COG2: variants seen among roughly 807,000 people sequenced by gnomAD.
COG2 encodes component of oligomeric golgi complex 2, also known as conserved oligomeric Golgi complex subunit 2.
A neutral mutation model predicts 90.6 loss-of-function variants in COG2; 52 were observed. The observed-to-expected ratio is 0.57, with a 90% CI of 0.46 to 0.72. The LOEUF (loss-of-function observed/expected upper bound fraction) is 0.72, where lower values mean the gene tolerates loss of function less well. Among genes scored for constraint, COG2 ranks in the 30% least tolerant of loss-of-function variants. COG2 has a pLI of 0.00. For synonymous variants in COG2, 337 were observed against 320.4 expected, an observed-to-expected ratio of 1.05 and a Z score of -0.55; for missense variants, 829 against 891.2, an observed-to-expected ratio of 0.93 and a Z score of 0.89.
At chr1:230,655,105 T>G (rs1662018155) in intron 1 of COG2, among the ~76,000 whole-genome samples, 2 of 152,208 alleles carry the variant, frequency 1.3e-5, no homozygotes, top group Non-Finnish European at 2.9e-5. Context: ...TCTTGCCTGA[T>G]TGCCTTGGCC....
At chr1:230,687,252 A>T (rs1203681345) in intron 13 of COG2, 120 bp downstream of exon 13, 2 of 712,346 alleles carry the variant, frequency 2.8e-6, no homozygotes, top group Non-Finnish European at 4.4e-6. Flanking sequence ...ACCCGTGGGT[A>T]CCCCAAGAGA....
chr1:230,658,792 C>T (rs546380591), intron 1 of COG2, among the ~76,000 whole-genome samples: 21 of 152,292 alleles, frequency 1.4e-4, no homozygotes, highest in Middle Eastern at 6.8e-3. Flanking sequence ...AGCGGCCTTG[C>T]TGAGCTGCAG....
chr1:230,661,465 A>G (rs958507372), intron 3 of COG2: 3 of 152,174 alleles, frequency 2.0e-5, no homozygotes, highest in Non-Finnish European at 4.4e-5. Flanking sequence ...CTGCTGGTCC[A>G]CCCCACAGTC....
At chr1:230,677,281 G>A (rs1341588554) in intron 9 of COG2, among the ~76,000 whole-genome samples, 2 of 151,944 alleles carry the variant, frequency 1.3e-5, no homozygotes, top group Admixed American at 1.3e-4. Flanking sequence ...TTTATTTCTA[G>A]AAGTCATATT....
chr1:230,692,679 C>T (rs936873648), intron 17 of COG2, among the ~76,000 whole-genome samples: 2 of 152,192 alleles, frequency 1.3e-5, no homozygotes, highest in Non-Finnish European at 2.9e-5. Context: ...CCAGAACAAA[C>T]CACAAAATGC....
intron 9 of COG2, chr1:230,677,976 C>T (rs1662640755): frequency 1.0e-6 from 1 of 980,754 alleles, no homozygotes; most frequent in Non-Finnish European, 1.2e-6. Flanking sequence ...TCTGGGATAA[C>T]ATAAGTTTGC....
At chr1:230,671,667 C>G (rs567658861) in intron 8 of COG2, 27 bp downstream of exon 8, 3 of 1,608,134 alleles carry the variant, frequency 1.9e-6, no homozygotes, top group Non-Finnish European at 2.5e-6. Context: ...TGTGTGGACC[C>G]CCACCTCCCT....
intron 6 of COG2, 108 bp from the exon 7 acceptor site, chr1:230,669,246 TTA>T (rs1662389851): frequency 2.1e-6 from 2 of 952,346 alleles, no homozygotes; most frequent in Non-Finnish European, 3.1e-6. Flanking sequence ...TATTTTGATT[TTA>T]TATATGTCAT....
chr1:230,658,355 T>C lies in COG2; in HGVS notation c.73-1109T>C, dbSNP rs559875042. 2.6e-5 allele frequency among the ~76,000 whole-genome samples: 4 copies of C among 152,328 alleles called. No homozygotes were observed. The South Asian group carries it at 8.3e-4, about 32-fold the overall frequency. On this transcript the variant is annotated intron_variant, in intron 1 of 17. Coordinates refer to ENST00000366669, the MANE Select transcript of COG2 (RefSeq NM_007357.3). ...TTTGTTGGAGGTCCACTCCAGACCC[T>C]GTTTGCCTGGATTTCATCAGTGGAG...
At chr1:230,662,524 C>T (rs1487274710) in intron 3 of COG2, among the ~76,000 whole-genome samples, 1 of 152,144 alleles carries the variant, frequency 6.6e-6, no homozygotes, top group Non-Finnish European at 1.5e-5. Flanking sequence ...TATGACCTCT[C>T]CTTTTCCTTG....
In COG2 at chr1:230,675,060, T is replaced by C; in HGVS notation, c.962T>C (p.Val321Ala). Reference sequence around the variant, plus strand: ...GTGAATTCTGTTTGGCCACAAATAGTACAAGGATTAGAAGAAAAGTTACCC... The same window carrying C: ...GTGAATTCTGTTTGGCCACAAATAGCACAAGGATTAGAAGAAAAGTTACCC... ...FLVNSVWPQI[V>A]QGLEEKLPSL... The change falls in exon 9 of 18, where the codon GTA becomes GCA. Residue 321 changes from valine to alanine, a missense_variant. Coordinates refer to ENST00000366669, the MANE Select transcript of COG2 (RefSeq NM_007357.3). 1 of 1,613,104 alleles carries C rather than the reference T, an allele frequency of 6.2e-7. No individual in the cohort carries two copies. Among genetic ancestry groups the C allele is most frequent in the African/African-American group, 1.3e-5 (1 of 75,010 alleles).
intron 5 of COG2, among the ~76,000 whole-genome samples, chr1:230,665,274 G>T (rs1023841752): frequency 5.3e-5 from 8 of 152,126 alleles, no homozygotes; most frequent in African/African-American, 1.9e-4. Context: ...TCTTGGTGTT[G>T]TCATCTCTCA....
At chr1:230,644,239 G>A (rs1241765635) in intron 1 of COG2, among the ~76,000 whole-genome samples, 1 of 152,200 alleles carries the variant, frequency 6.6e-6, no homozygotes, top group Non-Finnish European at 1.5e-5. Flanking sequence ...GGTACATTTT[G>A]TAGTGCTTAT....
At chr1:230,654,130 C>T (rs1033839604) in intron 1 of COG2, among the ~76,000 whole-genome samples, 6 of 152,132 alleles carry the variant, frequency 3.9e-5, no homozygotes, top group African/African-American at 1.4e-4. Flanking sequence ...AATTAGATTC[C>T]GTTTGTCAAT....
chr1:230,648,289 A>G (rs1661837829), intron 1 of COG2, among the ~76,000 whole-genome samples: 1 of 152,266 alleles, frequency 6.6e-6, no homozygotes, highest in South Asian at 2.1e-4. Flanking sequence ...TGTGAAGGCA[A>G]CAGCCCAGTG....
chr1:230,688,201 C>T (rs7552442), intron 14 of COG2, 58 bp downstream of exon 14: 9 of 1,332,674 alleles, frequency 6.8e-6, no homozygotes, highest in Non-Finnish European at 9.4e-6. Context: ...AAAATAAAAT[C>T]TCAGAGACTG....
chr1:230,676,043 T>A (rs911259617), intron 9 of COG2, among the ~76,000 whole-genome samples: 2 of 152,324 alleles, frequency 1.3e-5, no homozygotes, highest in Non-Finnish European at 1.5e-5. Context: ...GTAAGTTTGC[T>A]TTCCATTCTA....
chr1:230,684,017 C>T (rs1662824357), intron 11 of COG2, among the ~76,000 whole-genome samples: 3 of 152,056 alleles, frequency 2.0e-5, no homozygotes, highest in Non-Finnish European at 1.5e-5. Context: ...GTCTCGAACT[C>T]TGACCTCAAG....
rs1662379094 is a variant in COG2 at position 230,668,733 on chromosome 1, G to A, written c.543G>A (p.Gln181=). Residue 181 remains glutamine (Q), a synonymous_variant, in exon 6 of 18, where the codon CAG becomes CAA. Transcript: ENST00000366669. The part of the protein sequence containing the change: ...ERIATEFNQL[Q]FHAVQSKGMP... The stretch of plus-strand genomic sequence containing the variant: ...TTGCCACAGAATTTAATCAGTTACA[G>A]TTTCATGCTGTTCAAAGCAAAGGCA... The A allele has an allele frequency of 1.2e-6, 2 of 1,613,054 alleles. No homozygotes were observed. The highest frequency in any genetic ancestry group is 2.7e-5 in the African/African-American group (2 of 74,882).
Sources: allele counts gnomAD v4.1 joint callset (sites outside exome capture counted in the v4.1 genomes callset), GRCh38; gene constraint gnomAD v4.1.1; transcripts MANE v1.5; gene names NCBI Gene and HGNC (gene_info 2026-07-23, HGNC 2026-07-21).